TDRD3: variants seen among roughly 807,000 people sequenced by gnomAD.
The protein encoded by TDRD3 is tudor domain containing 3, also known as tudor domain-containing protein 3.
Under a neutral mutation model 86.7 loss-of-function variants are expected in TDRD3, and 45 were observed. The ratio of observed to expected loss-of-function variants is 0.52; its 90% CI spans 0.41 to 0.67. The LOEUF (loss-of-function observed/expected upper bound fraction) is 0.67. Ranked by LOEUF, TDRD3 falls within the 30% of genes least tolerant of loss-of-function variation. The probability of loss-of-function intolerance (pLI) is 0.00; values close to 1 mark genes in which losing one functional copy is unlikely to be tolerated. For synonymous variants in TDRD3, 298 were observed against 301.7 expected (o/e 0.99, Z 0.13); for missense variants, 814 against 889.0 (o/e 0.92, Z 1.07).
intron 1 of TDRD3, among the ~76,000 whole-genome samples, chr13:60,413,137 A>C (rs1954405839): frequency 6.6e-6 from 1 of 152,110 alleles, no homozygotes; most frequent in Non-Finnish European, 1.5e-5. Flanking sequence ...AATGGGCCCA[A>C]AAGCTTGAAT....
intron 3 of TDRD3, among the ~76,000 whole-genome samples, chr13:60,452,144 A>G (rs1242384928): frequency 1.3e-5 from 2 of 152,184 alleles, no homozygotes; most frequent in Non-Finnish European, 2.9e-5. Context: ...GTGAGCTTGC[A>G]TGAGCTGGCT....
chr13:60,417,215 A>G lies in TDRD3; in HGVS notation c.41+19810A>G, dbSNP rs571701032. The stretch of plus-strand genomic sequence containing the variant: ...ATTTTAGTAGAGATGGGCTCTTGCT[A>G]TGTTGTCCAGGCTGGTCTGAAACTC... On this transcript the variant is annotated intron_variant, in intron 1 of 13. Transcript: ENST00000377881. Among the ~76,000 whole-genome samples the G allele has an allele frequency of 2.1e-3, 325 of 151,904 alleles. 3 individuals are homozygous for G. Among genetic ancestry groups the G allele is most frequent in the African/African-American group, 7.4e-3 (306 of 41,404 alleles).
intron 1 of TDRD3, among the ~76,000 whole-genome samples, chr13:60,418,888 T>C (rs1954587533): frequency 6.6e-6 from 1 of 152,246 alleles, no homozygotes; most frequent in African/African-American, 2.4e-5. Context: ...CTTGTCTGTA[T>C]TGGTAGTTCA....
At chr13:60,560,305 G>A (rs958102951) in intron 12 of TDRD3, among the ~76,000 whole-genome samples, 2 of 152,064 alleles carry the variant, frequency 1.3e-5, no homozygotes, top group African/African-American at 4.8e-5. Context: ...CAAAATGCCA[G>A]GCACACAATG....
chr13:60,408,847 AG>A (rs1954294047), intron 1 of TDRD3, among the ~76,000 whole-genome samples: 1 of 152,236 alleles, frequency 6.6e-6, no homozygotes, highest in South Asian at 2.1e-4. Context: ...AATTTGTGTA[AG>A]TAGCAAGGAT....
chr13:60,568,198 A>T (rs575159045), intron 13 of TDRD3, among the ~76,000 whole-genome samples: 1 of 152,150 alleles, frequency 6.6e-6, no homozygotes, highest in Non-Finnish European at 1.5e-5. Flanking sequence ...ATCTGTTCTA[A>T]CCCTCAGCTT....
intron 10 of TDRD3, among the ~76,000 whole-genome samples, chr13:60,526,848 T>C (rs1025379263): frequency 5.9e-5 from 9 of 152,108 alleles, no homozygotes; most frequent in African/African-American, 2.2e-4. Flanking sequence ...TCTTTTTTTT[T>C]CTTCGAGATG....
At chr13:60,399,016 C>G (rs4886224) in intron 1 of TDRD3, among the ~76,000 whole-genome samples, 30,266 of 152,190 alleles carry the variant, frequency 0.2, 3,640 homozygotes, top group South Asian at 0.29. Context: ...ACATGACCCC[C>G]CCTCCTTTGG....
intron 12 of TDRD3, among the ~76,000 whole-genome samples, chr13:60,565,371 C>CT (rs1958434331): frequency 1.3e-5 from 2 of 151,726 alleles, no homozygotes; most frequent in African/African-American, 4.8e-5. Flanking sequence ...ATCTTTTTTA[C>CT]TTTTTTTTAG....
chr13:60,445,540 G>A (rs923463768), intron 3 of TDRD3, among the ~76,000 whole-genome samples: 13 of 152,074 alleles, frequency 8.5e-5, no homozygotes, highest in Non-Finnish European at 1.9e-4. Context: ...TCAGACTTCA[G>A]TGTGCACCAG....
In TDRD3 at chr13:60,528,818, A is replaced by G; in HGVS notation, c.1593A>G (p.Gln531=). 6.2e-7 allele frequency: 1 copy of G among 1,613,834 alleles called. No homozygotes were observed. The highest frequency in any genetic ancestry group is 8.5e-7 in the Non-Finnish European group (1 of 1,179,904). The part of the protein sequence containing the change: ...LPQGSVDYNN[Q]KRGKRESQTS... ...AAGGATCTGTAGATTATAATAATCA[A>G]AAACGTGGAAAAAGAGAAAGCCAAA... is the stretch of plus-strand genomic sequence containing the variant. The change falls in exon 11 of 14, where the codon CAA becomes CAG. Residue 531 remains glutamine (Q), a synonymous_variant. Coordinates refer to ENST00000377881, the MANE Select transcript of TDRD3 (RefSeq NM_001146070.2).
At chr13:60,499,846 G>A (rs1956795955) in intron 8 of TDRD3, among the ~76,000 whole-genome samples, 1 of 152,214 alleles carries the variant, frequency 6.6e-6, no homozygotes, top group African/African-American at 2.4e-5. Context: ...TTACTCATTT[G>A]GATGTGTTAC....
chr13:60,407,494 A>G (rs1954262560), intron 1 of TDRD3, among the ~76,000 whole-genome samples: 1 of 152,206 alleles, frequency 6.6e-6, no homozygotes, highest in South Asian at 2.1e-4. Flanking sequence ...TGTTATAGAA[A>G]GCTTTCTCTA....
intron 5 of TDRD3, among the ~76,000 whole-genome samples, chr13:60,475,671 G>A (rs111246781): frequency 0.048 from 7,299 of 152,276 alleles, 219 homozygotes; most frequent in Non-Finnish European, 0.064. Context: ...AACTGTGTAT[G>A]TGTATTTTCC....
At chr13:60,475,671 GTGTATTTTCCTTTCTTGGCAACCT>G (rs1566223638) in intron 5 of TDRD3, among the ~76,000 whole-genome samples, 1 of 152,166 alleles carries the variant, frequency 6.6e-6, no homozygotes, top group African/African-American at 2.4e-5. Context: ...AACTGTGTAT[GTGTATTTTCCTTTCTTGGCAACCT>G]TGCCAGCATT....
intron 12 of TDRD3, among the ~76,000 whole-genome samples, chr13:60,558,900 A>C (rs1165936676): frequency 6.6e-6 from 1 of 151,862 alleles, no homozygotes; most frequent in African/African-American, 2.4e-5. Flanking sequence ...AATAAAAGTT[A>C]AGCTGGTGGC....
At position 60,514,911 on chromosome 13, in the gene TDRD3, G is replaced by A. The variant is rs575186031; in HGVS notation, c.1141+4156G>A. On this transcript the variant is annotated intron_variant, in intron 10 of 13. Transcript: ENST00000377881. ...AAAACAGACAATAGTTGTATGTGTT[G>A]TGGGGAATTATTCATTCAATAAATG... 3.2e-4 allele frequency among the ~76,000 whole-genome samples: 48 copies of A among 152,324 alleles called. 1 individual carries two copies. Among genetic ancestry groups the A allele is most frequent in the African/African-American group, 1.1e-3 (47 of 41,574 alleles).
At chr13:60,429,030 C>G (rs1954885615) in intron 1 of TDRD3, among the ~76,000 whole-genome samples, 2 of 152,092 alleles carry the variant, frequency 1.3e-5, no homozygotes, top group South Asian at 4.2e-4. Flanking sequence ...AAAATGTAAG[C>G]AACACTAAGC....
At chr13:60,508,464 A>G (rs1365685905) in intron 8 of TDRD3, among the ~76,000 whole-genome samples, 1 of 152,136 alleles carries the variant, frequency 6.6e-6, no homozygotes, top group African/African-American at 2.4e-5. Flanking sequence ...AAATAACACC[A>G]CACATCTGCA....
Sources: allele counts gnomAD v4.1 joint callset (sites outside exome capture counted in the v4.1 genomes callset), GRCh38; gene constraint gnomAD v4.1.1; transcripts MANE v1.5; gene names NCBI Gene and HGNC (gene_info 2026-07-23, HGNC 2026-07-21).